The following ACAP1 variants were observed in gnomAD, a reference collection of about 807,000 sequenced individuals.
The protein encoded by ACAP1 is ArfGAP with coiled-coil, ankyrin repeat and PH domains 1, also known as arf-GAP with coiled-coil, ANK repeat and PH domain-containing protein 1.
In ACAP1, 45 loss-of-function variants were observed where a neutral mutation model predicts 98.8. The observed-to-expected ratio is 0.46, with a 90% CI of 0.36 to 0.58. The LOEUF is 0.58. ACAP1 is among the 20% of genes least tolerant of loss of function. The pLI is 0.00. For missense variants in ACAP1, 735 were observed against 971.4 expected (o/e 0.76, Z 3.24); for synonymous variants, 362 against 375.3 (o/e 0.96, Z 0.41).
In ACAP1 at chr17:7,350,898, C is replaced by T; in HGVS notation, c.2073-52C>T. 1 of 1,598,478 alleles carries T rather than the reference C, an allele frequency of 6.3e-7. No homozygotes were observed. Among genetic ancestry groups the T allele is most frequent in the Non-Finnish European group, 8.6e-7 (1 of 1,166,132 alleles). ...GTGTTGGGATTACAGGCGTGAGCCACCGCGCCCGGCCAAAGATAGTGTCGT... is the reference window on the plus strand; with the variant it reads ...GTGTTGGGATTACAGGCGTGAGCCATCGCGCCCGGCCAAAGATAGTGTCGT... On this transcript the variant is annotated intron_variant, in intron 20 of 21. Transcript: ENST00000158762. This position sits in a 1 kb window ranked among gnomAD's most constrained non-coding sequence, Gnocchi z 4.6.
chr17:7,348,685 C>A, intron 17 of ACAP1: 8 of 587,536 alleles, frequency 1.4e-5, no homozygotes, highest in Non-Finnish European at 2.0e-5. Context: ...TAAGGGGTGC[C>A]AACAGCACAA....
chr17:7,346,306 C>T lies in ACAP1; in HGVS notation c.906+11C>T, dbSNP rs1416101269. ...CAGAAGAAGTACAAGGTGAGTGGAC[C>T]TGGGTCCTGGATGCCTGGGCCCCAG... On this transcript the variant is annotated intron_variant, in intron 11 of 21. Transcript: ENST00000158762. The T allele has an allele frequency of 6.2e-7, 1 of 1,614,080 alleles. No homozygotes were observed. Among genetic ancestry groups the T allele is most frequent in the Non-Finnish European group, 8.5e-7 (1 of 1,180,018 alleles).
chr17:7,342,454 G>T lies in ACAP1; in HGVS notation c.324G>T (p.Gln108His). 1 of 1,614,170 alleles carries T rather than the reference G, an allele frequency of 6.2e-7. No homozygotes were observed. Among genetic ancestry groups the T allele is most frequent in the Non-Finnish European group, 8.5e-7 (1 of 1,180,040 alleles). ...LDATQHTLQQ[Q>H]IQTLVKEGLR... is the part of the protein sequence containing the mutation. ...CCACCCAACACACACTGCAGCAGCAGATCCAGACCCTGGTCAAGGAGTGAG... is the reference window on the plus strand; with the variant it reads ...CCACCCAACACACACTGCAGCAGCATATCCAGACCCTGGTCAAGGAGTGAG... The change falls in exon 5 of 22, where the codon CAG becomes CAT. Residue 108 changes from glutamine to histidine, a missense_variant. By Grantham distance (24) the Gln-to-His change is conservative. Coordinates refer to ENST00000158762, the MANE Select transcript of ACAP1 (RefSeq NM_014716.4).
intron 14 of ACAP1, 167 bp downstream of exon 14, chr17:7,347,409 AGT>A (rs1376513180): frequency 1.6e-5 from 11 of 679,324 alleles, no homozygotes; most frequent in Non-Finnish European, 2.4e-5. Flanking sequence ...CTGGGGTGCC[AGT>A]TGGACCCAGG....
Position 7,343,119 on chromosome 17 carries a change from G to A in ACAP1, c.345-260G>A, listed in dbSNP as rs2073307392. 2.4e-6 allele frequency: 1 copy of A among 418,908 alleles called. No homozygotes were observed. The highest frequency in any genetic ancestry group is 4.2e-6 in the Non-Finnish European group (1 of 235,884). The allele number at this position is 418,908 out of a possible 1,614,324, so 25.9% of individuals were successfully genotyped here. On this transcript the variant is annotated intron_variant, in intron 5 of 21. Transcript: ENST00000158762. This position sits in a 1 kb window ranked among gnomAD's most constrained non-coding sequence, Gnocchi z 4.9. ...CAACAACAACAAAAATTTTTTAAAG[G>A]GGGAGTGAGATGGGAGAGAAGGGGG...
At position 7,342,064 on chromosome 17, in the gene ACAP1, G is replaced by A. The variant is rs145850889; in HGVS notation, c.228G>A (p.Met76Ile). The A allele has an allele frequency of 2.0e-5, 33 of 1,613,866 alleles. No homozygotes were observed. The African/African-American group carries it at 3.5e-4, about 17-fold the overall frequency. ...LARLGPPEPM[M>I]AECLEKFTVS... ...GCCTGGGTCCACCAGAGCCCATGAT[G>A]GCGGTATGCGGAGGGTCTGCATCTG... The change falls in exon 3 of 22, where the codon ATG (methionine) becomes ATA (isoleucine). Residue 76 changes from methionine (M) to isoleucine (I), a missense_variant. This residue lies in a region of ACAP1 where 430 missense variants were observed against 531.8 expected (regional missense o/e 0.81). Coordinates refer to ENST00000158762, the MANE Select transcript of ACAP1 (RefSeq NM_014716.4).
Position 7,344,477 on chromosome 17 carries a change from A to C in ACAP1, c.745-62A>C. Reference sequence around the variant, plus strand: ...AGGGCTAGGGCTGTGGGCAGGAGGCAGATGCCTATGGCCTTGGTGTCTGCC... The same window carrying C: ...AGGGCTAGGGCTGTGGGCAGGAGGCCGATGCCTATGGCCTTGGTGTCTGCC... On this transcript the variant is annotated intron_variant, in intron 9 of 21. Transcript: ENST00000158762. This position sits in a 1 kb window ranked among gnomAD's most constrained non-coding sequence, Gnocchi z 4.9. 1 of 1,199,488 alleles carries C rather than the reference A, an allele frequency of 8.3e-7. No homozygotes were observed. The highest frequency in any genetic ancestry group is 1.2e-6 in the Non-Finnish European group (1 of 833,650). 74.3% of individuals were successfully genotyped at this position (1,199,488 alleles called of 1,614,324 possible).
At chr17:7,338,061 C>T (rs948225322) in intron 2 of ACAP1, among the ~76,000 whole-genome samples, 8 of 152,094 alleles carry the variant, frequency 5.3e-5, no homozygotes, top group Non-Finnish European at 1.0e-4. Flanking sequence ...CACACAAATA[C>T]ACACTCAAAT....
Position 7,343,506 on chromosome 17 carries a change from G to A in ACAP1, c.472G>A (p.Ala158Thr), listed in dbSNP as rs1366160096. The A allele has an allele frequency of 1.9e-6, 3 of 1,614,094 alleles. No homozygotes were observed. The highest frequency in any genetic ancestry group is 2.5e-6 in the Non-Finnish European group (3 of 1,179,970). The stretch of plus-strand genomic sequence containing the variant: ...CCAGGAGGCAGAAGAGGCAGGAGCT[G>A]CTTTGAGGACGGCTCGAGCTGGGTA... ...RAQEAEEAGA[A>T]LRTARAGYRG... The change falls in exon 6 of 22, where the codon GCT (alanine) becomes ACT (threonine). Residue 158 changes from alanine (A) to threonine (T), a missense_variant. Physicochemically the swap from Ala to Thr is moderately conservative, Grantham distance 58. Coordinates refer to ENST00000158762, the MANE Select transcript of ACAP1 (RefSeq NM_014716.4). This position sits in a 1 kb window ranked among gnomAD's most constrained non-coding sequence, Gnocchi z 4.9.
At position 7,350,287 on chromosome 17, in the gene ACAP1, C is replaced by A; in HGVS notation, c.2072+50C>A. Reference sequence around the variant, plus strand: ...CTGGCGCTGGGACTCCCCCCACCCCCGCCCACCCACGTTCGGGCGGGCGGG... The same window carrying A: ...CTGGCGCTGGGACTCCCCCCACCCCAGCCCACCCACGTTCGGGCGGGCGGG... On this transcript the variant is annotated intron_variant, in intron 20 of 21. Coordinates refer to ENST00000158762, the MANE Select transcript of ACAP1 (RefSeq NM_014716.4). This position sits in a 1 kb window ranked among gnomAD's most constrained non-coding sequence, Gnocchi z 4.6. The A allele has an allele frequency of 6.7e-7, 1 of 1,491,742 alleles. No individual in the cohort carries two copies. Among genetic ancestry groups the A allele is most frequent in the Non-Finnish European group, 9.3e-7 (1 of 1,079,702 alleles). The allele number at this position is 1,491,742 out of a possible 1,614,324, so 92.4% of individuals were successfully genotyped here. A position where few individuals can be genotyped will look rare whatever the true frequency, so the allele number is the denominator to read the frequency against.
chr17:7,339,008 C>T (rs1013932020), intron 2 of ACAP1, among the ~76,000 whole-genome samples: 21 of 151,564 alleles, frequency 1.4e-4, no homozygotes, highest in Non-Finnish European at 2.5e-4. Flanking sequence ...ACAATAAACT[C>T]GGCCAGGTGT....
Position 7,349,778 on chromosome 17 carries a change from G to C in ACAP1, c.1852-167G>C, listed in dbSNP as rs1282229458. On this transcript the variant is annotated intron_variant, in intron 18 of 21. Transcript: ENST00000158762. ...GGATTTATATATGAATACATGCAAA[G>C]AGCTAGAGCCAAGCCTAGCTTGGTT... 4 of 596,204 alleles carry C rather than the reference G, an allele frequency of 6.7e-6. No homozygotes were observed. The African/African-American group carries it at 7.4e-5, about 11-fold the overall frequency. The allele number at this position is 596,204 out of a possible 1,614,324, so 36.9% of individuals were successfully genotyped here.
At position 7,349,001 on chromosome 17, in the gene ACAP1, C is replaced by T; in HGVS notation, c.1685C>T (p.Pro562Leu). 1.2e-6 allele frequency: 2 copies of T among 1,613,000 alleles called. No homozygotes were observed. Among genetic ancestry groups the T allele is most frequent in the South Asian group, 1.1e-5 (1 of 91,030 alleles). ...PGSLRSKPEPPSEDLGSLHPG... is the reference protein window; with the variant it reads ...PGSLRSKPEPLSEDLGSLHPG... ...AACCAAATCCCCCGAACAGAGCCCC[C>T]CTCTGAGGACCTGGGAAGCCTGCAC... Residue 562 changes from proline to leucine, a missense_variant, in exon 18 of 22, where the codon CCC (proline) becomes CTC (leucine). Physicochemically the swap from Pro to Leu is moderately conservative, Grantham distance 98. This residue lies in a region of ACAP1 where 80 missense variants were observed against 64.4 expected (regional missense o/e 1.24). Coordinates refer to ENST00000158762, the MANE Select transcript of ACAP1 (RefSeq NM_014716.4).
At position 7,349,521 on chromosome 17, in the gene ACAP1, G is replaced by A. The variant is rs547310894; in HGVS notation, c.1851+354G>A. Reference sequence around the variant, plus strand: ...TGCCTGAGTAGCTGGGACTACAGGCGCCAGCCAGCATGCCCGGCTAATTTT... The same window carrying A: ...TGCCTGAGTAGCTGGGACTACAGGCACCAGCCAGCATGCCCGGCTAATTTT... On this transcript the variant is annotated intron_variant, in intron 18 of 21. Coordinates refer to ENST00000158762, the MANE Select transcript of ACAP1 (RefSeq NM_014716.4). 6.5e-4 allele frequency: 168 copies of A among 258,284 alleles called. 6 individuals are homozygous for A. The South Asian group carries it at 0.012, about 19-fold the overall frequency. 16.0% of individuals were successfully genotyped at this position (258,284 alleles called of 1,614,324 possible).
At position 7,336,906 on chromosome 17, in the gene ACAP1, A is replaced by G. The variant is rs2073225874; in HGVS notation, c.53+119A>G. The stretch of plus-strand genomic sequence containing the variant: ...AGCAGGCCTCTAAGAGGCAGGAGCG[A>G]GCCTGTGGGCCAAAGTGGTACCCCA... On this transcript the variant is annotated intron_variant, in intron 1 of 21. Coordinates refer to ENST00000158762, the MANE Select transcript of ACAP1 (RefSeq NM_014716.4). 2.7e-6 allele frequency: 3 copies of G among 1,119,196 alleles called. No homozygotes were observed. In the South Asian group the frequency reaches 3.9e-5, roughly 15 times the overall value. 69.3% of individuals were successfully genotyped at this position (1,119,196 alleles called of 1,614,324 possible). A position where few individuals can be genotyped will look rare whatever the true frequency, so the allele number is the denominator to read the frequency against.
chr17:7,350,413 T>G lies in ACAP1; in HGVS notation c.2072+176T>G. ...GAGAAAGGCTGCGCGAAGTGTGCAC[T>G]GGGACGTGGAGTAGAAGGCAGGCGG... is the stretch of plus-strand genomic sequence containing the variant. On this transcript the variant is annotated intron_variant, in intron 20 of 21. Transcript: ENST00000158762. The surrounding 1 kb of genome is among the most constrained non-coding windows in gnomAD (Gnocchi z 4.6). 10 of 446,432 alleles carry G rather than the reference T, an allele frequency of 2.2e-5. No homozygotes were observed. Among genetic ancestry groups the G allele is most frequent in the Middle Eastern group, 6.6e-4 (1 of 1,516 alleles). The allele number at this position is 446,432 out of a possible 1,614,324, so 27.7% of individuals were successfully genotyped here. A position where few individuals can be genotyped will look rare whatever the true frequency, so the allele number is the denominator to read the frequency against.
At chr17:7,347,354 T>A in intron 14 of ACAP1, 112 bp downstream of exon 14, 2 of 1,095,868 alleles carry the variant, frequency 1.8e-6, no homozygotes, top group Non-Finnish European at 2.6e-6. Context: ...CTTCCTCTCT[T>A]AGCTTCTGGC....
chr17:7,347,287 C>T (rs919841508), intron 14 of ACAP1, 45 bp downstream of exon 14: 2 of 1,541,348 alleles, frequency 1.3e-6, no homozygotes, highest in South Asian at 2.4e-5. Context: ...CTTCGGGCCA[C>T]AGTGCGGCTC....
At chr17:7,339,630 G>A (rs969719994) in intron 2 of ACAP1, among the ~76,000 whole-genome samples, 6 of 152,198 alleles carry the variant, frequency 3.9e-5, no homozygotes, top group African/African-American at 1.4e-4. Context: ...ACTCCGGCGT[G>A]GGCGACAGAC....
Sources: allele counts gnomAD v4.1 joint callset (sites outside exome capture counted in the v4.1 genomes callset), GRCh38; gene constraint gnomAD v4.1.1; regional missense constraint gnomAD v4.1.1; non-coding constraint Gnocchi (gnomAD v3.1); transcripts MANE v1.5; gene names NCBI Gene and HGNC (gene_info 2026-07-23, HGNC 2026-07-21).